PDE4D: variants seen among roughly 807,000 people sequenced by gnomAD.
PDE4D encodes 3',5'-cyclic-AMP phosphodiesterase 4D.
A neutral mutation model predicts 87.4 loss-of-function variants in PDE4D; 24 were observed. The observed-to-expected ratio is 0.27, with a 90% CI of 0.20 to 0.39. The LOEUF is 0.39. Among genes scored for constraint, PDE4D ranks in the 10% least tolerant of loss-of-function variants. The probability of loss-of-function intolerance (pLI) is 1.00; values close to 1 mark genes in which losing one functional copy is unlikely to be tolerated. For missense variants in PDE4D, 714 were observed against 1,041.0 expected (o/e 0.69, Z 4.32); for synonymous variants, 384 against 383.2 (o/e 1.00, Z -0.02).
At chr5:59,244,648 A>ATG (rs1316553941) in intron 1 of PDE4D, among the ~76,000 whole-genome samples, 3 of 143,090 alleles carry the variant, frequency 2.1e-5, no homozygotes, top group African/African-American at 7.7e-5. Context: ...ATACATATAT[A>ATG]TGTATAGATA....
intron 1 of PDE4D, among the ~76,000 whole-genome samples, chr5:59,786,834 A>G (rs1471560297): frequency 6.6e-6 from 1 of 152,220 alleles, no homozygotes; most frequent in Non-Finnish European, 1.5e-5. Context: ...AAACCAAGAT[A>G]AAAGAGGTCA....
chr5:60,259,566 C>T (rs1334675854), intron 1 of PDE4D, among the ~76,000 whole-genome samples: 1 of 152,062 alleles, frequency 6.6e-6, no homozygotes, highest in Non-Finnish European at 1.5e-5. Context: ...TAGAAACTCA[C>T]AGATTCCTGA....
At chr5:59,490,394 C>T (rs1316057162) in intron 1 of PDE4D, among the ~76,000 whole-genome samples, 1 of 152,130 alleles carries the variant, frequency 6.6e-6, no homozygotes, top group Non-Finnish European at 1.5e-5. Context: ...CTTTCATATG[C>T]TTTCATCAAA....
intron 1 of PDE4D, among the ~76,000 whole-genome samples, chr5:59,425,773 G>T (rs1327060156): frequency 6.6e-6 from 1 of 152,076 alleles, no homozygotes; most frequent in Non-Finnish European, 1.5e-5. Context: ...GCCCATTATT[G>T]AGTCCACTTT....
chr5:60,513,569 T>A (rs1750666811), intron 1 of PDE4D, among the ~76,000 whole-genome samples: 1 of 152,064 alleles, frequency 6.6e-6, no homozygotes. Flanking sequence ...AACATGATTT[T>A]AAAACTTCAA....
intron 1 of PDE4D, among the ~76,000 whole-genome samples, chr5:59,690,814 T>C (rs925833782): frequency 1.3e-5 from 2 of 152,196 alleles, no homozygotes; most frequent in African/African-American, 4.8e-5. Context: ...TTTTATAATC[T>C]ACCCATCTGA....
At chr5:60,068,672 C>T (rs1208637228) in intron 2 of PDE4D, among the ~76,000 whole-genome samples, 1 of 152,074 alleles carries the variant, frequency 6.6e-6, no homozygotes, top group Non-Finnish European at 1.5e-5. Context: ...CAGCTCACTG[C>T]AACCTCTGGC....
At position 60,145,507 on chromosome 5, in the gene PDE4D, C is replaced by T. The variant is rs146965254; in HGVS notation, c.42+40050G>A. On this transcript the variant is annotated intron_variant, in intron 2 of 16. Transcript: ENST00000502484. ...TGGGGTTTTAGCCTATTTAAAATTGCTTTGCTTTTACTTCACAAACCTTGT... is the reference window on the plus strand; with the variant it reads ...TGGGGTTTTAGCCTATTTAAAATTGTTTTGCTTTTACTTCACAAACCTTGT... 7.2e-5 allele frequency among the ~76,000 whole-genome samples: 11 copies of T among 152,288 alleles called. 1 individual carries two copies. In the East Asian group the frequency reaches 2.1e-3, roughly 29 times the overall value.
chr5:59,486,352 C>T (rs1805149618), intron 1 of PDE4D, among the ~76,000 whole-genome samples: 1 of 152,120 alleles, frequency 6.6e-6, no homozygotes, highest in African/African-American at 2.4e-5. Context: ...GGTTGCTCTC[C>T]AGAAATAGAA....
chr5:59,124,054 C>A (rs1435603272), intron 5 of PDE4D, among the ~76,000 whole-genome samples: 2 of 152,178 alleles, frequency 1.3e-5, no homozygotes, highest in Non-Finnish European at 2.9e-5. Context: ...AAAGGTATAA[C>A]CTTTGGAAAA....
intron 1 of PDE4D, among the ~76,000 whole-genome samples, chr5:59,538,371 T>C (rs1561155887): frequency 6.6e-6 from 1 of 152,186 alleles, no homozygotes; most frequent in Non-Finnish European, 1.5e-5. Flanking sequence ...TCTCAGACCC[T>C]ACTAGCCCAA....
intron 2 of PDE4D, among the ~76,000 whole-genome samples, chr5:60,013,179 A>C (rs950926018): frequency 7.2e-5 from 11 of 152,136 alleles, no homozygotes; most frequent in African/African-American, 2.4e-4. Context: ...AAACTTCACC[A>C]TCACTGTGTG....
At chr5:59,995,284 C>T (rs1333476366) in intron 2 of PDE4D, among the ~76,000 whole-genome samples, 1 of 151,800 alleles carries the variant, frequency 6.6e-6, no homozygotes, top group African/African-American at 2.4e-5. Flanking sequence ...AAGCTGCTAT[C>T]CTTCAACCAT....
At chr5:59,333,738 C>T (rs1160222739) in intron 1 of PDE4D, among the ~76,000 whole-genome samples, 1 of 152,036 alleles carries the variant, frequency 6.6e-6, no homozygotes, top group African/African-American at 2.4e-5. Flanking sequence ...TTAAAGACTC[C>T]TTGGGGAGTT....
intron 1 of PDE4D, among the ~76,000 whole-genome samples, chr5:59,287,686 C>T (rs1327616851): frequency 6.6e-6 from 1 of 151,716 alleles, no homozygotes; most frequent in South Asian, 2.1e-4. Flanking sequence ...TTGTGTTACC[C>T]CTCCCCCAGA....
At chr5:59,519,240 T>A (rs1406550916) in intron 1 of PDE4D, among the ~76,000 whole-genome samples, 1 of 152,204 alleles carries the variant, frequency 6.6e-6, no homozygotes, top group African/African-American at 2.4e-5. Flanking sequence ...AAAAAGCCCT[T>A]GCCCTTATAG....
chr5:59,303,522 C>G (rs1838721), intron 1 of PDE4D, among the ~76,000 whole-genome samples: 70,756 of 151,992 alleles, frequency 0.47, 16,720 homozygotes, highest in Admixed American at 0.54. Flanking sequence ...CATAGTTTCA[C>G]GTCTTAGGTT....
At chr5:60,071,560 T>C (rs1369879489) in intron 2 of PDE4D, among the ~76,000 whole-genome samples, 7 of 152,132 alleles carry the variant, frequency 4.6e-5, no homozygotes, top group Admixed American at 1.3e-4. Flanking sequence ...TCTTTTTCCA[T>C]TGGCCAGTAA....
chr5:59,297,343 A>G (rs1185223183), intron 1 of PDE4D, among the ~76,000 whole-genome samples: 2 of 152,192 alleles, frequency 1.3e-5, no homozygotes, highest in African/African-American at 2.4e-5. Flanking sequence ...ATAAATCCCA[A>G]TGATTAAATC....
Sources: allele counts gnomAD v4.1 joint callset (sites outside exome capture counted in the v4.1 genomes callset), GRCh38; gene constraint gnomAD v4.1.1; transcripts MANE v1.5; gene names NCBI Gene and HGNC (gene_info 2026-07-23, HGNC 2026-07-21).